Variants in TNS1 observed in about 807,000 individuals in gnomAD.
TNS1 encodes tensin-1.
Under a neutral mutation model 168.6 loss-of-function variants are expected in TNS1, and 62 were observed. The observed-to-expected ratio is 0.37, with a 90% CI of 0.30 to 0.45. TNS1 has a LOEUF of 0.45. Ranked by LOEUF, TNS1 falls within the 20% of genes least tolerant of loss-of-function variation. The pLI, the probability that TNS1 is intolerant of heterozygous loss-of-function variation, is 1.00. For missense variants in TNS1, 2,240 were observed against 2,339.4 expected (o/e 0.96, Z 0.88); for synonymous variants, 934 against 933.2 (o/e 1.00, Z -0.02).
intron 18 of TNS1, among the ~76,000 whole-genome samples, chr2:217,878,181 A>T (rs1255588993): frequency 1.3e-5 from 2 of 152,182 alleles, no homozygotes; most frequent in African/African-American, 2.4e-5. Context: ...GGGCAAGCCC[A>T]GTGGCCTCCG....
chr2:217,864,896 C>T (rs913675443), intron 18 of TNS1, among the ~76,000 whole-genome samples: 21 of 152,138 alleles, frequency 1.4e-4, no homozygotes, highest in Non-Finnish European at 2.2e-4. Context: ...CAATACTGTA[C>T]GCAGTGGGGC....
At position 217,818,519 on chromosome 2, in the gene TNS1, A is replaced by G; in HGVS notation, c.3813T>C (p.Ser1271=). 1 of 1,614,230 alleles carries G rather than the reference A, an allele frequency of 6.2e-7. No individual in the cohort carries two copies. The change falls in exon 24 of 33, where the codon AGT becomes AGC. Residue 1271 remains serine, a synonymous_variant. Transcript: ENST00000682258. The part of the protein sequence containing the change: ...SPESQARAQF[S]VAGVHTVPGS... ...CAGGCACCGTGTGGACGCCAGCCACACTGAACTGAGCTCGAGCCTGGCTTT... is the reference window on the plus strand; with the variant it reads ...CAGGCACCGTGTGGACGCCAGCCACGCTGAACTGAGCTCGAGCCTGGCTTT...
At chr2:217,841,322 T>A in intron 19 of TNS1, 1 of 968,854 alleles carries the variant, frequency 1.0e-6, no homozygotes, top group Non-Finnish European at 1.2e-6. Flanking sequence ...CAGCAGGGAG[T>A]GGGAGGCAGG....
At chr2:217,902,651 G>A (rs1953145816) in intron 6 of TNS1, among the ~76,000 whole-genome samples, 2 of 152,144 alleles carry the variant, frequency 1.3e-5, no homozygotes, top group South Asian at 4.1e-4. Context: ...TAAAAACTTG[G>A]CCCAAACAGA....
chr2:217,805,484 CCACACACACACCACACACACCACCACACA>C (rs1938443329), intron 32 of TNS1, among the ~76,000 whole-genome samples: 1 of 36,758 alleles, frequency 2.7e-5, no homozygotes, highest in East Asian at 5.2e-4. Context: ...ACCACACACA[CCACACACACACCACACACACCACCACACA>C]CACCACACAC....
chr2:217,858,901 C>T (rs934391802), intron 18 of TNS1, among the ~76,000 whole-genome samples: 11 of 152,072 alleles, frequency 7.2e-5, no homozygotes, highest in African/African-American at 2.7e-4. Flanking sequence ...CCTTCACTCC[C>T]ACCGGCCGGG....
chr2:217,879,275 T>C (rs1274066125), intron 18 of TNS1: 39 of 347,394 alleles, frequency 1.1e-4, no homozygotes. Context: ...CAAGAAGAGA[T>C]GGAGAGACAG....
intron 21 of TNS1, 64 bp from the exon 22 acceptor site, chr2:217,831,611 G>C: frequency 7.9e-7 from 1 of 1,265,570 alleles, no homozygotes; most frequent in South Asian, 1.8e-5. Context: ...AGACACGCCA[G>C]GCACGTGAGG....
chr2:217,966,933 C>G (rs7584757), intron 3 of TNS1, among the ~76,000 whole-genome samples: 2,321 of 152,312 alleles, frequency 0.015, 67 homozygotes, highest in African/African-American at 0.053. Context: ...GCTCATCTGA[C>G]AGTGTGAACA....
chr2:217,892,938 C>G lies in TNS1; in HGVS notation c.782+10G>C, dbSNP rs756022304. 13 of 1,613,820 alleles carry G rather than the reference C, an allele frequency of 8.1e-6. No individual in the cohort carries two copies. In the South Asian group the frequency reaches 1.3e-4, roughly 16 times the overall value. ...TGTTCAGAGGATGGGAGGCTCCAGGCCCCTCTTACCTGGCAGAAATGTTGC... is the reference window on the plus strand; with the variant it reads ...TGTTCAGAGGATGGGAGGCTCCAGGGCCCTCTTACCTGGCAGAAATGTTGC... On this transcript the variant is annotated intron_variant, in intron 11 of 32. Transcript: ENST00000682258.
chr2:217,870,765 G>A (rs1264585036), intron 18 of TNS1, among the ~76,000 whole-genome samples: 1 of 152,178 alleles, frequency 6.6e-6, no homozygotes, highest in Non-Finnish European at 1.5e-5. Flanking sequence ...GTGTTCCATG[G>A]GCAGAGGCTG....
Position 217,817,871 on chromosome 2 carries a change from T to C in TNS1, c.4461A>G (p.Thr1487=), listed in dbSNP as rs776577347. 1.4e-5 allele frequency: 22 copies of C among 1,614,112 alleles called. No individual in the cohort carries two copies. The South Asian group carries it at 2.0e-4, about 14-fold the overall frequency. The change falls in exon 24 of 33, where the codon ACA becomes ACG. Residue 1487 remains threonine, a synonymous_variant. Transcript: ENST00000682258. ...DSAAFRQGSP[T]PALPEKRRMS... is the part of the protein sequence containing the mutation. ...TCCTTCGCTTCTCTGGCAAGGCTGG[T>C]GTTGGGCTCCCTTGCCGGAAGGCTG...
chr2:217,935,270 T>A (rs1030170369), intron 3 of TNS1, among the ~76,000 whole-genome samples: 9 of 152,186 alleles, frequency 5.9e-5, no homozygotes, highest in Non-Finnish European at 1.2e-4. Flanking sequence ...GGCCACCTAC[T>A]CAGAACAGTC....
rs1941097834 is a variant in TNS1, at chr2:217,812,450, A to T, written c.4955-5T>A. 1 of 1,613,916 alleles carries T rather than the reference A, an allele frequency of 6.2e-7. No individual in the cohort carries two copies. The highest frequency in any genetic ancestry group is 8.5e-7 in the Non-Finnish European group (1 of 1,179,874). ...AGACCAGGGCAGACAGCGATCCTGTAGGGAGGCAGACGGCATGTCATGGGC... is the reference window on the plus strand; with the variant it reads ...AGACCAGGGCAGACAGCGATCCTGTTGGGAGGCAGACGGCATGTCATGGGC... On this transcript the variant is annotated splice_region_variant and splice_polypyrimidine_tract_variant and intron_variant, in intron 27 of 32. Transcript: ENST00000682258.
At chr2:217,971,210 C>T (rs1957766658) in intron 3 of TNS1, among the ~76,000 whole-genome samples, 1 of 152,214 alleles carries the variant, frequency 6.6e-6, no homozygotes, top group South Asian at 2.1e-4. Context: ...CAAGGAAGTT[C>T]CTTCACACAC....
intron 23 of TNS1, among the ~76,000 whole-genome samples, chr2:217,820,019 A>C (rs1049274937): frequency 6.6e-6 from 1 of 152,182 alleles, no homozygotes. Context: ...GGAGAAGGTC[A>C]GGGGCCAGGC....
chr2:217,884,922 G>A, intron 16 of TNS1, 113 bp downstream of exon 16: 1 of 1,394,324 alleles, frequency 7.2e-7, no homozygotes, highest in Non-Finnish European at 9.8e-7. Context: ...CCTGAGACTA[G>A]ACAGACCACA....
chr2:217,971,312 AG>A (rs1297834579), intron 3 of TNS1, among the ~76,000 whole-genome samples: 1 of 152,330 alleles, frequency 6.6e-6, no homozygotes, highest in African/African-American at 2.4e-5. Context: ...TTGCATTAAA[AG>A]GGAATCACCC....
rs1958919393 is a variant in TNS1, at chr2:218,033,603, G to C, written c.156+217C>G. On this transcript the variant is annotated intron_variant, in intron 1 of 1. Transcript: ENST00000649572. This position sits in a 1 kb window ranked among gnomAD's most constrained non-coding sequence, Gnocchi z 4.3. ...GGTCCTATATCACCCTCCTCCCAAG[G>C]GCACAAGAGACCCAGGGGAGCCCTC... Among the ~76,000 whole-genome samples, 1 of 152,048 alleles carries C rather than the reference G, an allele frequency of 6.6e-6. No homozygotes were observed. The highest frequency in any genetic ancestry group is 1.5e-5 in the Non-Finnish European group (1 of 67,976).
Sources: allele counts gnomAD v4.1 joint callset (sites outside exome capture counted in the v4.1 genomes callset), GRCh38; gene constraint gnomAD v4.1.1; non-coding constraint Gnocchi (gnomAD v3.1); transcripts MANE v1.5; gene names NCBI Gene and HGNC (gene_info 2026-07-23, HGNC 2026-07-21).